A1BG: variants seen among roughly 807,000 people sequenced by gnomAD.
The protein encoded by A1BG is alpha-1B-glycoprotein.
In A1BG, 44 loss-of-function variants were observed where a neutral mutation model predicts 46.0. The ratio of observed to expected loss-of-function variants is 0.96; its 90% CI spans 0.75 to 1.23. The LOEUF (loss-of-function observed/expected upper bound fraction) is 1.23, where lower values mean the gene tolerates loss of function less well. A1BG is among the 50% of genes most tolerant of loss of function. The probability of loss-of-function intolerance (pLI) is 0.00; values close to 1 mark genes in which losing one functional copy is unlikely to be tolerated. For missense variants in A1BG, 707 were observed against 688.8 expected, an observed-to-expected ratio of 1.03 and a Z score of -0.30; for synonymous variants, 316 against 314.7, an observed-to-expected ratio of 1.00 and a Z score of -0.04.
At position 58,350,517 on chromosome 19, in the gene A1BG, A is replaced by AACGGTGCAC; in HGVS notation, c.1036_1044dup (p.Val346_Arg348dup). ...GCCTCGGTCCCAGCGGGGCTCTGGA[A>AACGGTGCAC]ACGGTGCACGCGGCGCCCGCCCCTG... On this transcript the variant is annotated inframe_insertion, in exon 6 of 8. Coordinates refer to ENST00000263100, the MANE Select transcript of A1BG (RefSeq NM_130786.4). The AACGGTGCAC allele has an allele frequency of 1.3e-6, 2 of 1,553,598 alleles. No individual in the cohort carries two copies. The highest frequency in any genetic ancestry group is 1.7e-6 in the Non-Finnish European group (2 of 1,149,058).
rs756511381 is a variant in A1BG at position 58,350,555 on chromosome 19, A to G, written c.1007T>C (p.Leu336Pro). ...LAPLEGARFALVREDRGGRRV... is the reference protein window; with the variant it reads ...LAPLEGARFAPVREDRGGRRV... ...GCGCCCGCCCCTGTCCTCGCGCACC[A>G]GGGCGAAGCGCGCGCCCTCCAGGGG... Residue 336 changes from leucine (L) to proline (P), a missense_variant, in exon 6 of 8, where the codon CTG (leucine) becomes CCG (proline). Coordinates refer to ENST00000263100, the MANE Select transcript of A1BG (RefSeq NM_130786.4). 2 of 1,546,360 alleles carry G rather than the reference A, an allele frequency of 1.3e-6. No individual in the cohort carries two copies. The highest frequency in any genetic ancestry group is 1.7e-6 in the Non-Finnish European group (2 of 1,144,962).
chr19:58,350,536 G>A lies in A1BG; in HGVS notation c.1026C>T (p.Gly342=). The part of the protein sequence containing the change: ...ARFALVREDR[G]GRRVHRFQSP... ...TCTGGAAACGGTGCACGCGGCGCCC[G>A]CCCCTGTCCTCGCGCACCAGGGCGA... is the stretch of plus-strand genomic sequence containing the variant. The change falls in exon 6 of 8, where the codon GGC becomes GGT. Residue 342 remains glycine (G), a synonymous_variant. Transcript: ENST00000263100. 4 of 1,549,512 alleles carry A rather than the reference G, an allele frequency of 2.6e-6. No individual in the cohort carries two copies. The South Asian group carries it at 3.6e-5, about 14-fold the overall frequency.
At chr19:58,350,697 C>T (rs1001651855) in intron 5 of A1BG, 46 bp from the exon 6 acceptor site, 4 of 1,331,766 alleles carry the variant, frequency 3.0e-6, no homozygotes, top group South Asian at 2.0e-5. Context: ...GCGGCTGGCT[C>T]GGCCCTAACG....
rs935376688 is a variant in A1BG at position 58,346,048 on chromosome 19, T to C, written c.*974A>G. On this transcript the variant is annotated 3_prime_UTR_variant, in exon 8 of 8. Coordinates refer to ENST00000263100, the MANE Select transcript of A1BG (RefSeq NM_130786.4). ...TCCAGCCATTTCCACAGCGTCCAGC[T>C]CTGCTGTGGGAGGCTGGGAACAGCC... is the stretch of plus-strand genomic sequence containing the variant. 6.6e-6 allele frequency: 1 copy of C among 152,256 alleles called. No homozygotes were observed. Among genetic ancestry groups the C allele is most frequent in the African/African-American group, 2.4e-5 (1 of 41,442 alleles). 9.4% of individuals were successfully genotyped at this position (152,256 alleles called of 1,614,324 possible).
At chr19:58,350,787 C>G in intron 5 of A1BG, 136 bp from the exon 6 acceptor site, 1 of 880,692 alleles carries the variant, frequency 1.1e-6, no homozygotes, top group Non-Finnish European at 1.5e-6. Flanking sequence ...CTCGCCTCCT[C>G]CGGGCCCGCC....
intron 4 of A1BG, 122 bp from the exon 5 acceptor site, chr19:58,351,809 T>TC: frequency 2.6e-6 from 3 of 1,142,414 alleles, no homozygotes; most frequent in Non-Finnish European, 3.6e-6. Context: ...TTTTTTTTTT[T>TC]TTTTGAAACG....
Position 58,352,397 on chromosome 19 carries a change from C to T in A1BG, c.499G>A (p.Asp167Asn), listed in dbSNP as rs1418668465. ...TGGACTGGAAAGGTGGCCTCCACATCCTCCTGGGCCTCAGGCACCTCCAGA... is the reference window on the plus strand; with the variant it reads ...TGGACTGGAAAGGTGGCCTCCACATTCTCCTGGGCCTCAGGCACCTCCAGA... ...EFLEVPEAQE[D>N]VEATFPVHQP... Residue 167 changes from aspartate to asparagine, a missense_variant, in exon 4 of 8, where the codon GAT becomes AAT. Physicochemically the swap from Asp to Asn is conservative, Grantham distance 23. Coordinates refer to ENST00000263100, the MANE Select transcript of A1BG (RefSeq NM_130786.4). The T allele has an allele frequency of 2.5e-6, 4 of 1,613,832 alleles. No homozygotes were observed. In the African/African-American group the frequency reaches 5.3e-5, roughly 22 times the overall value.
Position 58,347,367 on chromosome 19 carries a change from T to G in A1BG, c.1466A>C (p.Glu489Ala). ...GGAAACGTCACCTGCCACCAGGAGCTCCACAGGGTCGCTGAGCTCCGATTC... is the reference window on the plus strand; with the variant it reads ...GGAAACGTCACCTGCCACCAGGAGCGCCACAGGGTCGCTGAGCTCCGATTC... ...TFESELSDPV[E>A]LLVAES Residue 489 changes from glutamate to alanine, a missense_variant, in exon 7 of 8, where the codon GAG (glutamate) becomes GCG (alanine). By Grantham distance (107) the Glu-to-Ala change is moderately radical. Transcript: ENST00000263100. 2 of 1,611,788 alleles carry G rather than the reference T, an allele frequency of 1.2e-6. No homozygotes were observed. The highest frequency in any genetic ancestry group is 1.7e-6 in the Non-Finnish European group (2 of 1,179,778).
Position 58,352,548 on chromosome 19 carries a change from C to A in A1BG, c.348G>T (p.Leu116Phe), listed in dbSNP as rs1240447793. ...KLLELTGPKS[L>F]PAPWLSMAPV... ...GCGCCATCGAGAGCCAGGGAGCAGG[C>A]AAGGACTCTGTGGGTGGGGTGGAGT... Residue 116 changes from leucine to phenylalanine, a missense_variant, in exon 4 of 8, where the codon TTG becomes TTT. Physicochemically the swap from Leu to Phe is conservative, Grantham distance 22. Coordinates refer to ENST00000263100, the MANE Select transcript of A1BG (RefSeq NM_130786.4). 1 of 1,608,070 alleles carries A rather than the reference C, an allele frequency of 6.2e-7. No homozygotes were observed. Among genetic ancestry groups the A allele is most frequent in the Non-Finnish European group, 8.5e-7 (1 of 1,179,574 alleles).
At chr19:58,350,809 TC>T in intron 5 of A1BG, 158 bp from the exon 6 acceptor site, 1 of 664,298 alleles carries the variant, frequency 1.5e-6, no homozygotes, top group Non-Finnish European at 2.2e-6. Context: ...CACCTTTGCA[TC>T]CCAGTCCTTG....
At chr19:58,351,231 A>T in intron 5 of A1BG, 160 bp downstream of exon 5, 1 of 900,422 alleles carries the variant, frequency 1.1e-6, no homozygotes, top group Non-Finnish European at 1.7e-6. Flanking sequence ...CACGCTCATC[A>T]TCATATTTGC....
chr19:58,349,750 AAAG>A (rs1383807264), intron 6 of A1BG: 1 of 150,506 alleles, frequency 6.6e-6, no homozygotes, highest in Non-Finnish European at 1.5e-5. Context: ...AGAAGAAAGA[AAAG>A]AGAGAAAGAA....
intron 6 of A1BG, 58 bp from the exon 7 acceptor site, chr19:58,347,698 A>ACGCC (rs1568552344): frequency 6.0e-5 from 36 of 604,812 alleles, no homozygotes; most frequent in African/African-American, 5.6e-4. Context: ...GCCCCAGGCC[A>ACGCC]CACCCCAGGC....
Position 58,353,139 on chromosome 19 carries a change from G to A in A1BG, c.129C>T (p.Ala43=), listed in dbSNP as rs376767269. The stretch of plus-strand genomic sequence containing the variant: ...GGGCCTGGCACGTCAGCGTCACATT[G>A]GCCAAGGGTTTCAGCAGTGATTCGG... The part of the protein sequence containing the change: ...AESESLLKPL[A]NVTLTCQAHL... Residue 43 remains alanine (A), a synonymous_variant, in exon 3 of 8, where the codon GCC becomes GCT. Coordinates refer to ENST00000263100, the MANE Select transcript of A1BG (RefSeq NM_130786.4). 1.1e-5 allele frequency: 18 copies of A among 1,614,042 alleles called. No homozygotes were observed. The African/African-American group carries it at 2.3e-4, about 20-fold the overall frequency.
chr19:58,345,881 A>T lies in A1BG; in HGVS notation c.*1141T>A, dbSNP rs1480920029. 1.3e-5 allele frequency: 2 copies of T among 152,292 alleles called. No individual in the cohort carries two copies. Among genetic ancestry groups the T allele is most frequent in the Non-Finnish European group, 2.9e-5 (2 of 68,066 alleles). 9.4% of individuals were successfully genotyped at this position (152,292 alleles called of 1,614,324 possible). On this transcript the variant is annotated 3_prime_UTR_variant, in exon 8 of 8. Coordinates refer to ENST00000263100, the MANE Select transcript of A1BG (RefSeq NM_130786.4). ...CACAATTCATCAACTATTGGTTGATAATACTGATACGCATCTTCTGTGTGC... is the reference window on the plus strand; with the variant it reads ...CACAATTCATCAACTATTGGTTGATTATACTGATACGCATCTTCTGTGTGC...
intron 6 of A1BG, 39 bp from the exon 7 acceptor site, chr19:58,347,679 C>G (rs528615958): frequency 1.5e-6 from 2 of 1,293,932 alleles, no homozygotes; most frequent in South Asian, 1.8e-5. Flanking sequence ...AGGCCACGCC[C>G]CAGGCCACGC....
Position 58,346,787 on chromosome 19 carries a change from A to G in A1BG, c.*235T>C. ...TCTCCACTCCTCTACCTCAGGAGCC[A>G]CCCCAGAACCCATCCACTTTGAGGA... On this transcript the variant is annotated 3_prime_UTR_variant, in exon 8 of 8. Transcript: ENST00000263100. 1 of 616,978 alleles carries G rather than the reference A, an allele frequency of 1.6e-6. No homozygotes were observed. The highest frequency in any genetic ancestry group is 2.9e-5 in the Admixed American group (1 of 34,500). 38.2% of individuals were successfully genotyped at this position (616,978 alleles called of 1,614,324 possible). A position where few individuals can be genotyped will look rare whatever the true frequency, so the allele number is the denominator to read the frequency against.
intron 6 of A1BG, chr19:58,350,164 GC>G: frequency 3.1e-6 from 2 of 644,232 alleles, no homozygotes; most frequent in Non-Finnish European, 5.1e-6. Context: ...TGACCTACGG[GC>G]TTGCGTCCGT....
In A1BG at chr19:58,352,864, G is replaced by A; in HGVS notation, c.340+64C>T. On this transcript the variant is annotated intron_variant, in intron 3 of 7. Transcript: ENST00000263100. ...AGAGACATCGGGTGACTTGGAGGAA[G>A]GGAGACCCCCCAGTCAACAACCTAC... The A allele has an allele frequency of 2.6e-6, 4 of 1,542,712 alleles. No homozygotes were observed. In the South Asian group the frequency reaches 4.9e-5, roughly 19 times the overall value.
Sources: allele counts gnomAD v4.1 joint callset, GRCh38; gene constraint gnomAD v4.1.1; transcripts MANE v1.5; gene names NCBI Gene and HGNC (gene_info 2026-07-23, HGNC 2026-07-21).